Variants in SLC4A1 observed in about 807,000 individuals in gnomAD.
The protein encoded by SLC4A1 is band 3 anion transport protein.
Under a neutral mutation model 93.1 loss-of-function variants are expected in SLC4A1, and 29 were observed. The ratio of observed to expected loss-of-function variants is 0.31; its 90% CI spans 0.23 to 0.42. SLC4A1 has a LOEUF of 0.42. Among genes scored for constraint, SLC4A1 ranks in the 20% least tolerant of loss-of-function variants. The pLI is 1.00. For synonymous variants in SLC4A1, 469 were observed against 497.2 expected, an observed-to-expected ratio of 0.94 and a Z score of 0.76; for missense variants, 965 against 1,190.1, an observed-to-expected ratio of 0.81 and a Z score of 2.78.
chr17:44,260,079 TG>T (rs968543314), intron 6 of SLC4A1, 147 bp from the exon 7 acceptor site: 2 of 1,080,616 alleles, frequency 1.9e-6, no homozygotes, highest in African/African-American at 3.1e-5. Flanking sequence ...AGAGAGACCC[TG>T]GGATGGAAGG....
rs573622222 is a variant in SLC4A1 at position 44,262,168 on chromosome 17, T to G, written c.106+468A>C. Reference sequence around the variant, plus strand: ...AACTTTAATCCCAATCTCCAGCACTTAAGTCCTGTTGACAGTAAACAGGTC... The same window carrying G: ...AACTTTAATCCCAATCTCCAGCACTGAAGTCCTGTTGACAGTAAACAGGTC... On this transcript the variant is annotated intron_variant, in intron 3 of 19. Transcript: ENST00000262418. 6 of 635,208 alleles carry G rather than the reference T, an allele frequency of 9.4e-6. No homozygotes were observed. In the Admixed American group the frequency reaches 3.0e-4, roughly 32 times the overall value. The allele number at this position is 635,208 out of a possible 1,614,324, so 39.3% of individuals were successfully genotyped here. A position where few individuals can be genotyped will look rare whatever the true frequency, so the allele number is the denominator to read the frequency against.
rs758007015 is a variant in SLC4A1 at position 44,259,267 on chromosome 17, G to A, written c.772C>T (p.Leu258=). ...AAGAGGAAGCGTATAGGCACCGGCA[G>A]CTCCACCGCCTCCAGCTCCGCTGCC... The part of the protein sequence containing the change: ...QEAAELEAVE[L]PVPIRFLFVL... Residue 258 remains leucine, a synonymous_variant, in exon 9 of 20, where the codon CTG becomes TTG. Transcript: ENST00000262418. 5.0e-6 allele frequency: 8 copies of A among 1,613,954 alleles called. No individual in the cohort carries two copies. The highest frequency in any genetic ancestry group is 2.2e-5 in the East Asian group (1 of 44,886).
intron 18 of SLC4A1, 37 bp from the exon 19 acceptor site, chr17:44,251,369 C>T (rs1055954254): frequency 1.2e-6 from 2 of 1,614,226 alleles, no homozygotes; most frequent in Non-Finnish European, 1.7e-6. Context: ...CTATCACACC[C>T]CAGCACCCTC....
chr17:44,258,251 TG>T lies in SLC4A1; in HGVS notation c.1088-72del. On this transcript the variant is annotated intron_variant, in intron 10 of 19. Coordinates refer to ENST00000262418, the MANE Select transcript of SLC4A1 (RefSeq NM_000342.4). This position sits in a 1 kb window ranked among gnomAD's most constrained non-coding sequence, Gnocchi z 6.1. ...GGTGAGGGGAAAGGGGACTGGAGGG[TG>T]TAGGGGAGATTGTCTGATGGGAATG... 1 of 1,499,094 alleles carries T rather than the reference TG, an allele frequency of 6.7e-7. No individual in the cohort carries two copies. Among genetic ancestry groups the T allele is most frequent in the Non-Finnish European group, 9.3e-7 (1 of 1,079,560 alleles). The allele number at this position is 1,499,094 out of a possible 1,614,324, so 92.9% of individuals were successfully genotyped here. A position where few individuals can be genotyped will look rare whatever the true frequency, so the allele number is the denominator to read the frequency against.
At chr17:44,254,905 C>A (rs1408669030) in intron 15 of SLC4A1, among the ~76,000 whole-genome samples, 1 of 152,204 alleles carries the variant, frequency 6.6e-6, no homozygotes, top group Non-Finnish European at 1.5e-5. Flanking sequence ...CCACATCACA[C>A]AGCTATTTGA....
At position 44,257,843 on chromosome 17, in the gene SLC4A1, A is replaced by G. The variant is rs758247438; in HGVS notation, c.1283-36T>C. On this transcript the variant is annotated intron_variant, in intron 11 of 19. Transcript: ENST00000262418. Reference sequence around the variant, plus strand: ...AGGTCACAGTGGGATCAAGGTCAGGAGATCATTTCCAGGAGCCCATAGAGC... The same window carrying G: ...AGGTCACAGTGGGATCAAGGTCAGGGGATCATTTCCAGGAGCCCATAGAGC... 6 of 1,612,674 alleles carry G rather than the reference A, an allele frequency of 3.7e-6. No homozygotes were observed. In the East Asian group the frequency reaches 1.3e-4, roughly 36 times the overall value.
At position 44,262,668 on chromosome 17, in the gene SLC4A1, T is replaced by A. The variant is rs1465425529; in HGVS notation, c.74A>T (p.Asp25Val). Residue 25 changes from aspartate (D) to valine (V), a missense_variant, in exon 3 of 20, where the codon GAC (aspartate) becomes GTC (valine). Transcript: ENST00000262418. ...CTCCTCCATCTGGGACTCGGGGATG[T>A]CTGGGTCTTCATATTCCTCCTGCTC... ...NLEQEEYEDP[D>V]IPESQMEEPA... 6.2e-7 allele frequency: 1 copy of A among 1,613,878 alleles called. No individual in the cohort carries two copies. The highest frequency in any genetic ancestry group is 2.2e-5 in the East Asian group (1 of 44,876).
In SLC4A1 at chr17:44,250,462, A is replaced by G; in HGVS notation, c.2732T>C (p.Val911Ala). 6.2e-7 allele frequency: 1 copy of G among 1,613,240 alleles called. No individual in the cohort carries two copies. The highest frequency in any genetic ancestry group is 2.2e-5 in the East Asian group (1 of 44,876). ...TCTAGGGCCTGGGCCCGCCCCTCACACAGGCATGGCCACTTCGTCGTATTC... is the reference window on the plus strand; with the variant it reads ...TCTAGGGCCTGGGCCCGCCCCTCACGCAGGCATGGCCACTTCGTCGTATTC... ...RDEYDEVAMP[V>A] The change falls in exon 20 of 20, where the codon GTG becomes GCG. Residue 911 changes from valine (V) to alanine (A), a missense_variant. This residue lies in a region of SLC4A1 where 770 missense variants were observed against 1,006.6 expected (regional missense o/e 0.76). Coordinates refer to ENST00000262418, the MANE Select transcript of SLC4A1 (RefSeq NM_000342.4).
rs1385347213 is a variant in SLC4A1, at chr17:44,262,894, A to G, written c.-28T>C. The G allele has an allele frequency of 6.2e-7, 1 of 1,613,864 alleles. No homozygotes were observed. Among genetic ancestry groups the G allele is most frequent in the Non-Finnish European group, 8.5e-7 (1 of 1,180,026 alleles). ...CGTGGTCCTGAGTGTCCAGTTGTCT[A>G]CGGTGATCTGAGCCCCCAGCATAAC... On this transcript the variant is annotated 5_prime_UTR_variant, in exon 2 of 20. Transcript: ENST00000262418.
chr17:44,260,490 G>T lies in SLC4A1; in HGVS notation c.399C>A (p.Asn133Lys). The T allele has an allele frequency of 1.2e-6, 2 of 1,614,220 alleles. No homozygotes were observed. The highest frequency in any genetic ancestry group is 1.7e-6 in the Non-Finnish European group (2 of 1,180,024). The change falls in exon 6 of 20, where the codon AAC (asparagine) becomes AAA (lysine). Residue 133 changes from asparagine (N) to lysine (K), a missense_variant. Transcript: ENST00000262418. ...LQETSLAGVA[N>K]QLLDRFIFED... is the part of the protein sequence containing the mutation. Reference sequence around the variant, plus strand: ...CAAAGATAAACCTGTCTAGCAGTTGGTTGGCCACTCCAGCCAGGGAGGTCT... The same window carrying T: ...CAAAGATAAACCTGTCTAGCAGTTGTTTGGCCACTCCAGCCAGGGAGGTCT...
chr17:44,264,979 G>GGGGAGGGGGTGCCGAGCACTGGGGGCTGT (rs2047482990), intron 1 of SLC4A1, among the ~76,000 whole-genome samples: 1 of 148,318 alleles, frequency 6.7e-6, no homozygotes, highest in African/African-American at 2.5e-5. Flanking sequence ...TGGAGGCTGT[G>GGGGAGGGGGTGCCGAGCACTGGGGGCTGT]GGGAGGGGGT....
chr17:44,267,757 A>G (rs2047506440), intron 1 of SLC4A1, among the ~76,000 whole-genome samples: 1 of 152,118 alleles, frequency 6.6e-6, no homozygotes, highest in Admixed American at 6.5e-5. Flanking sequence ...TGTGGGATCC[A>G]ACAAGCTGAC....
At chr17:44,257,289 G>A in intron 13 of SLC4A1, 61 bp downstream of exon 13, 1 of 1,538,404 alleles carries the variant, frequency 6.5e-7, no homozygotes, top group Non-Finnish European at 9.0e-7. Flanking sequence ...CTCGCACCCG[G>A]CCACTGTCTC....
intron 1 of SLC4A1, among the ~76,000 whole-genome samples, chr17:44,266,628 C>T (rs1032599209): frequency 1.3e-5 from 2 of 152,178 alleles, no homozygotes; most frequent in African/African-American, 4.8e-5. Context: ...GCCTTGAGCT[C>T]AGTTGGAGAC....
chr17:44,260,038 G>A (rs1567834361), intron 6 of SLC4A1, 106 bp from the exon 7 acceptor site: 8 of 1,455,642 alleles, frequency 5.5e-6, no homozygotes, highest in South Asian at 2.3e-5. Flanking sequence ...AGACATCAAG[G>A]GTAGACATCT....
chr17:44,257,586 G>C, intron 12 of SLC4A1, 42 bp from the exon 13 acceptor site: 1 of 1,613,154 alleles, frequency 6.2e-7, no homozygotes, highest in Non-Finnish European at 8.5e-7. Context: ...AAAGGGTCTT[G>C]GGGCAAGGCA....
intron 15 of SLC4A1, among the ~76,000 whole-genome samples, chr17:44,254,898 C>T (rs558686040): frequency 6.6e-6 from 1 of 152,360 alleles, no homozygotes; most frequent in East Asian, 1.9e-4. Context: ...GCTTGCCCCA[C>T]ATCACACAGC....
chr17:44,259,786 C>A (rs1428250262), intron 7 of SLC4A1, 23 bp downstream of exon 7: 8 of 1,613,734 alleles, frequency 5.0e-6, no homozygotes, highest in Non-Finnish European at 6.8e-6. Flanking sequence ...CTGACCCTGA[C>A]CCTGACCCTG....
intron 1 of SLC4A1, among the ~76,000 whole-genome samples, chr17:44,264,541 G>A (rs1050752635): frequency 3.9e-5 from 6 of 152,200 alleles, no homozygotes; most frequent in African/African-American, 7.2e-5. Context: ...CTTTTGGAAG[G>A]GAAACTACCT....
Sources: gnomAD v4.1 joint callset for allele counts (sites outside exome capture counted in the v4.1 genomes callset) on GRCh38, gnomAD v4.1.1 for gene constraint, gnomAD v4.1.1 regional missense constraint, Gnocchi (gnomAD v3.1) non-coding constraint, MANE v1.5 for transcripts, NCBI Gene and HGNC (gene_info 2026-07-23, HGNC 2026-07-21) for gene names.